The following WDFY1 variants were observed in gnomAD, a reference collection of about 807,000 sequenced individuals.
WDFY1 encodes the protein WD repeat and FYVE domain-containing protein 1.
A neutral mutation model predicts 56.4 loss-of-function variants in WDFY1; 32 were observed. The ratio of observed to expected loss-of-function variants is 0.57; its 90% CI spans 0.43 to 0.76. The LOEUF (loss-of-function observed/expected upper bound fraction) is 0.76, where lower values mean the gene tolerates loss of function less well. Ranked by LOEUF, WDFY1 falls within the 30% of genes least tolerant of loss-of-function variation. WDFY1 has a pLI of 0.00. For synonymous variants in WDFY1, 192 were observed against 197.3 expected (o/e 0.97, Z 0.23); for missense variants, 480 against 545.7 (o/e 0.88, Z 1.20).
At chr2:223,928,330 G>A (rs1432913870) in intron 1 of WDFY1, among the ~76,000 whole-genome samples, 1 of 152,154 alleles carries the variant, frequency 6.6e-6, no homozygotes, top group African/African-American at 2.4e-5. Flanking sequence ...ACTAAATTAT[G>A]CAACCACACT....
intron 6 of WDFY1, among the ~76,000 whole-genome samples, chr2:223,898,479 A>C (rs999150202): frequency 6.6e-6 from 1 of 152,072 alleles, no homozygotes; most frequent in Non-Finnish European, 1.5e-5. Context: ...GGCTCACTGC[A>C]ACCTCTGCCC....
chr2:223,908,108 A>C (rs965659294), intron 3 of WDFY1, among the ~76,000 whole-genome samples: 2 of 152,050 alleles, frequency 1.3e-5, no homozygotes, highest in Non-Finnish European at 2.9e-5. Context: ...CTCCTGCCTA[A>C]GCCTCCCAAA....
Position 223,888,213 on chromosome 2 carries a change from T to C in WDFY1, c.832-3464A>G, listed in dbSNP as rs185744613. On this transcript the variant is annotated intron_variant, in intron 8 of 11. Coordinates refer to ENST00000233055, the MANE Select transcript of WDFY1 (RefSeq NM_020830.5). ...TCCCTCCTCTCAGCTGCCCTAGTAG[T>C]TGGGACTAGAGATATGTACCACCAC... Among the ~76,000 whole-genome samples the C allele has an allele frequency of 6.6e-5, 10 of 152,156 alleles. No individual in the cohort carries two copies. The East Asian group carries it at 1.7e-3, about 26-fold the overall frequency.
intron 4 of WDFY1, among the ~76,000 whole-genome samples, chr2:223,902,138 T>C (rs1206484028): frequency 2.0e-5 from 3 of 152,154 alleles, no homozygotes; most frequent in Non-Finnish European, 4.4e-5. Flanking sequence ...ACAGACTGCT[T>C]AGGAAGAACT....
chr2:223,941,365 G>A (rs1559178047), intron 1 of WDFY1, among the ~76,000 whole-genome samples: 2 of 152,000 alleles, frequency 1.3e-5, no homozygotes, highest in Non-Finnish European at 2.9e-5. Context: ...CTTTTGCTCT[G>A]GTCACTTAGA....
At chr2:223,891,263 A>G (rs668870) in intron 8 of WDFY1, among the ~76,000 whole-genome samples, 140,816 of 151,426 alleles carry the variant, frequency 0.93, 65,545 homozygotes, top group South Asian at 0.96. Context: ...TAAGCCTGTC[A>G]CCCCAGATAC....
chr2:223,897,390 A>ATATTTTTTTTTTT (rs1461451983), intron 6 of WDFY1, among the ~76,000 whole-genome samples: 8 of 125,994 alleles, frequency 6.3e-5, no homozygotes, highest in East Asian at 2.3e-4. Context: ...ATATATATAT[A>ATATTTTTTTTTTT]TTTTTTAAGA....
intron 11 of WDFY1, among the ~76,000 whole-genome samples, chr2:223,879,528 A>T (rs147264288): frequency 6.6e-6 from 1 of 152,114 alleles, no homozygotes; most frequent in African/African-American, 2.4e-5. Flanking sequence ...GCCTGGTGGC[A>T]GGCACTTGTA....
At chr2:223,928,726 T>A (rs1214074693) in intron 1 of WDFY1, among the ~76,000 whole-genome samples, 1 of 152,208 alleles carries the variant, frequency 6.6e-6, no homozygotes, top group Non-Finnish European at 1.5e-5. Flanking sequence ...CAACTTTCCT[T>A]TTTTCCATAA....
At position 223,912,378 on chromosome 2, in the gene WDFY1, G is replaced by A. The variant is rs770036173; in HGVS notation, c.206-52C>T. On this transcript the variant is annotated intron_variant, in intron 2 of 11. Transcript: ENST00000233055. ...CCAGCAAAGCTAAGCACTTTAAGTT[G>A]TTCTTCAAAGTGATTAAGAACTATA... The A allele has an allele frequency of 6.2e-5, 84 of 1,355,084 alleles. No individual in the cohort carries two copies. The Admixed American group carries it at 6.3e-4, about 10-fold the overall frequency. The allele number at this position is 1,355,084 out of a possible 1,614,324, so 83.9% of individuals were successfully genotyped here. A position where few individuals can be genotyped will look rare whatever the true frequency, so the allele number is the denominator to read the frequency against.
chr2:223,884,692 T>G lies in WDFY1; in HGVS notation c.889A>C (p.Asn297His). Reference protein sequence around the residue: ...CQKCEQPFFWNIKQMWDTKTL... With the variant: ...CQKCEQPFFWHIKQMWDTKTL... ...TTGGTGTCCCACATCTGCTTTATGT[T>G]CCAGAAAAATGGCTGCTCACATTTC... Residue 297 changes from asparagine (N) to histidine (H), a missense_variant, in exon 9 of 12, where the codon AAC becomes CAC. Transcript: ENST00000233055. The G allele has an allele frequency of 6.2e-7, 1 of 1,614,124 alleles. No individual in the cohort carries two copies. The highest frequency in any genetic ancestry group is 1.7e-5 in the Admixed American group (1 of 60,010).
chr2:223,941,519 T>C (rs920971046), intron 1 of WDFY1, among the ~76,000 whole-genome samples: 1 of 152,178 alleles, frequency 6.6e-6, no homozygotes, highest in Non-Finnish European at 1.5e-5. Context: ...TCTAGGAGGC[T>C]GTCCCCAAAC....
chr2:223,904,116 T>C (rs77483557), intron 4 of WDFY1, among the ~76,000 whole-genome samples: 2,275 of 152,338 alleles, frequency 0.015, 52 homozygotes, highest in African/African-American at 0.051. Context: ...GGTGTTATAA[T>C]AACACCATAA....
Position 223,906,001 on chromosome 2 carries a change from C to T in WDFY1, c.280G>A (p.Glu94Lys). Residue 94 changes from glutamate (E) to lysine (K), a missense_variant and splice_region_variant, in exon 4 of 12, where the codon GAA (glutamate) becomes AAA (lysine). Coordinates refer to ENST00000233055, the MANE Select transcript of WDFY1 (RefSeq NM_020830.5). ...TTAAAATCTTCAGAAACGTGAAATT[C>T]CTAAAAGCAAATGCACAAAATAAAA... The part of the protein sequence containing the change: ...FVGQDNGAVM[E>K]FHVSEDFNKM... The T allele has an allele frequency of 1.9e-6, 3 of 1,566,762 alleles. No individual in the cohort carries two copies. Among genetic ancestry groups the T allele is most frequent in the Non-Finnish European group, 1.7e-6 (2 of 1,159,346 alleles).
chr2:223,924,686 T>C (rs575062571), intron 1 of WDFY1, among the ~76,000 whole-genome samples: 13 of 152,304 alleles, frequency 8.5e-5, no homozygotes, highest in South Asian at 8.3e-4. Context: ...TTGTTTATCA[T>C]TGTTCAGCAC....
At position 223,915,262 on chromosome 2, in the gene WDFY1, C is replaced by T. The variant is rs539027754; in HGVS notation, c.205+2681G>A. Among the ~76,000 whole-genome samples the T allele has an allele frequency of 9.1e-3, 1,381 of 152,348 alleles. 16 individuals are homozygous for T. Among genetic ancestry groups the T allele is most frequent in the Middle Eastern group, 0.017 (5 of 294 alleles). ...CAAACATGTAGGTGTCGACCACCCA[C>T]TGCGAAGCTGTGTCTGTTCTTTCAA... On this transcript the variant is annotated intron_variant, in intron 2 of 11. Coordinates refer to ENST00000233055, the MANE Select transcript of WDFY1 (RefSeq NM_020830.5).
intron 2 of WDFY1, among the ~76,000 whole-genome samples, chr2:223,915,615 G>A (rs2054004510): frequency 6.6e-6 from 1 of 152,232 alleles, no homozygotes; most frequent in South Asian, 2.1e-4. Context: ...TGGAGGAAGG[G>A]AAGAGTGGGA....
intron 8 of WDFY1, among the ~76,000 whole-genome samples, chr2:223,890,892 T>C (rs1693258793): frequency 6.6e-6 from 1 of 152,184 alleles, no homozygotes; most frequent in Non-Finnish European, 1.5e-5. Flanking sequence ...CAAAAAAGGA[T>C]CCCTTCTCAT....
intron 1 of WDFY1, among the ~76,000 whole-genome samples, chr2:223,940,571 A>G (rs1046856292): frequency 2.0e-5 from 3 of 152,002 alleles, no homozygotes; most frequent in African/African-American, 7.2e-5. Context: ...TTCCGATCAT[A>G]TCATTTGCTT....
Sources: gnomAD v4.1 joint callset for allele counts (sites outside exome capture counted in the v4.1 genomes callset) on GRCh38, gnomAD v4.1.1 for gene constraint, MANE v1.5 for transcripts, NCBI Gene and HGNC (gene_info 2026-07-23, HGNC 2026-07-21) for gene names.